CFAP299: variants seen among roughly 807,000 people sequenced by gnomAD.
The protein encoded by CFAP299 is cilia and flagella associated protein 299, also known as cilia- and flagella-associated protein 299.
CFAP299 carries 21 observed loss-of-function variants against 27.0 expected under a neutral mutation model. That is an observed-to-expected ratio of 0.78 (90% CI 0.55 to 1.12). The LOEUF (loss-of-function observed/expected upper bound fraction) is 1.12. Ranked by LOEUF, CFAP299 falls within the 50% of genes most tolerant of loss-of-function variation. The probability of loss-of-function intolerance (pLI) is 0.00; values close to 1 mark genes in which losing one functional copy is unlikely to be tolerated. For missense variants in CFAP299, 310 were observed against 276.6 expected (o/e 1.12, Z -0.86); for synonymous variants, 104 against 98.1 (o/e 1.06, Z -0.36).
chr4:80,386,842 G>T, intron 2 of CFAP299: 1 of 884,472 alleles, frequency 1.1e-6, no homozygotes, highest in Non-Finnish European at 1.9e-6. Flanking sequence ...GGATCAACAT[G>T]TCTCTCTTAC....
At chr4:80,898,079 G>C (rs925689978) in intron 4 of CFAP299, among the ~76,000 whole-genome samples, 1 of 152,158 alleles carries the variant, frequency 6.6e-6, no homozygotes, top group Non-Finnish European at 1.5e-5. Context: ...AAGTGTTACA[G>C]TAAGGGCTCT....
intron 2 of CFAP299, among the ~76,000 whole-genome samples, chr4:80,405,513 T>C (rs1726370636): frequency 6.6e-6 from 1 of 152,176 alleles, no homozygotes; most frequent in African/African-American, 2.4e-5. Context: ...CATCTCAGAA[T>C]GTATTTTGTA....
chr4:80,787,243 T>C (rs1727300680), intron 3 of CFAP299, among the ~76,000 whole-genome samples: 1 of 148,616 alleles, frequency 6.7e-6, no homozygotes, highest in Non-Finnish European at 1.5e-5. Context: ...ATAATATATA[T>C]ATATAGTAAA....
intron 3 of CFAP299, among the ~76,000 whole-genome samples, chr4:80,777,501 G>C (rs1355736036): frequency 6.6e-6 from 1 of 152,016 alleles, no homozygotes; most frequent in Non-Finnish European, 1.5e-5. Flanking sequence ...TTCTCAGCCT[G>C]GCATACAGAG....
At chr4:80,699,194 A>AT (rs1721305899) in intron 3 of CFAP299, among the ~76,000 whole-genome samples, 2 of 152,100 alleles carry the variant, frequency 1.3e-5, no homozygotes, top group Non-Finnish European at 2.9e-5. Context: ...CAACCTAGGT[A>AT]TGTCTGAGAT....
intron 2 of CFAP299, among the ~76,000 whole-genome samples, chr4:80,529,615 T>C (rs1733366548): frequency 6.6e-6 from 1 of 152,216 alleles, no homozygotes; most frequent in African/African-American, 2.4e-5. Context: ...TCCTGAAATT[T>C]AGCAAGAGTT....
chr4:80,695,256 C>G (rs1316776032), intron 3 of CFAP299, among the ~76,000 whole-genome samples: 1 of 152,154 alleles, frequency 6.6e-6, no homozygotes, highest in Non-Finnish European at 1.5e-5. Flanking sequence ...ACTAGAAAAT[C>G]AATTCCATTA....
chr4:80,558,354 G>GTTTTTTTTTTTTT (rs1159652533), intron 2 of CFAP299, among the ~76,000 whole-genome samples: 4 of 126,444 alleles, frequency 3.2e-5, no homozygotes, highest in African/African-American at 1.3e-4. Flanking sequence ...TTGTTTGTTT[G>GTTTTTTTTTTTTT]TTTGTTTGTT....
At chr4:80,777,970 T>C (rs979467229) in intron 3 of CFAP299, among the ~76,000 whole-genome samples, 2 of 152,146 alleles carry the variant, frequency 1.3e-5, no homozygotes, top group African/African-American at 2.4e-5. Context: ...ATTTCTATGA[T>C]AGAAAAGCCC....
chr4:80,420,005 G>A (rs1373985703), intron 2 of CFAP299, among the ~76,000 whole-genome samples: 1 of 152,026 alleles, frequency 6.6e-6, no homozygotes, highest in Non-Finnish European at 1.5e-5. Context: ...ACCTCCCCAT[G>A]GGGTTCAGAA....
At chr4:80,846,495 A>C (rs558061013) in intron 3 of CFAP299, among the ~76,000 whole-genome samples, 2 of 152,306 alleles carry the variant, frequency 1.3e-5, no homozygotes, top group South Asian at 4.1e-4. Flanking sequence ...GTGCCTATAC[A>C]AGATACAGAT....
chr4:80,693,939 A>G (rs1720923991), intron 3 of CFAP299, among the ~76,000 whole-genome samples: 1 of 151,988 alleles, frequency 6.6e-6, no homozygotes. Flanking sequence ...TATTGCCCTT[A>G]TGACTTTCAT....
At chr4:80,388,318 G>A in intron 2 of CFAP299, 1 of 688,570 alleles carries the variant, frequency 1.5e-6, no homozygotes, top group Non-Finnish European at 2.7e-6. Flanking sequence ...TGCTTACCAA[G>A]ATGTTCCCCT....
At chr4:80,321,779 C>A in the CFAP299 span, among the ~76,000 whole-genome samples, 11 of 152,206 alleles carry the variant, frequency 7.2e-5, no homozygotes, top group East Asian at 1.9e-3. Context: ...CCACACCCAC[C>A]AATACTTAGA....
intron 2 of CFAP299, among the ~76,000 whole-genome samples, chr4:80,491,010 G>T (rs1239795651): frequency 1.4e-5 from 2 of 142,536 alleles, no homozygotes; most frequent in Non-Finnish European, 3.1e-5. Context: ...CAAGTAGTTT[G>T]TCATTCTGCT....
At chr4:80,932,799 A>G (rs1243179354) in intron 4 of CFAP299, among the ~76,000 whole-genome samples, 1 of 152,192 alleles carries the variant, frequency 6.6e-6, no homozygotes, top group African/African-American at 2.4e-5. Context: ...CTGATTGCCC[A>G]GGATAGTCCA....
upstream of CFAP299, among the ~76,000 whole-genome samples, chr4:80,332,386 G>C: frequency 6.6e-6 from 1 of 152,100 alleles, no homozygotes; most frequent in East Asian, 1.9e-4. Flanking sequence ...AGGAGCTGGG[G>C]TGGGGAGGGA....
chr4:80,936,861 A>T (rs2110223761), intron 4 of CFAP299, among the ~76,000 whole-genome samples: 1 of 152,292 alleles, frequency 6.6e-6, no homozygotes, highest in South Asian at 2.1e-4. Flanking sequence ...CTAAGATATG[A>T]TCTATTCTGG....
intron 3 of CFAP299, among the ~76,000 whole-genome samples, chr4:80,649,790 C>A (rs906536924): frequency 8.0e-4 from 122 of 152,114 alleles, no homozygotes; most frequent in African/African-American, 2.8e-3. Context: ...ATTAAAAAGA[C>A]ACTAAAATTG....
Sources: allele counts gnomAD v4.1 joint callset (sites outside exome capture counted in the v4.1 genomes callset), GRCh38; gene constraint gnomAD v4.1.1; transcripts MANE v1.5; gene names NCBI Gene and HGNC (gene_info 2026-07-23, HGNC 2026-07-21).